TRPV6: variants seen among roughly 807,000 people sequenced by gnomAD.
The protein encoded by TRPV6 is transient receptor potential cation channel subfamily V member 6.
A neutral mutation model predicts 79.0 loss-of-function variants in TRPV6; 39 were observed. The observed-to-expected ratio is 0.49, with a 90% confidence interval of 0.38 to 0.64. The LOEUF is 0.64. Ranked by LOEUF, TRPV6 falls within the 30% of genes least tolerant of loss-of-function variation. The pLI, the probability that TRPV6 is intolerant of heterozygous loss-of-function variation, is 0.00. For missense variants in TRPV6, 813 were observed against 1,011.1 expected (o/e 0.80, Z 2.66); for synonymous variants, 373 against 391.9 (o/e 0.95, Z 0.57).
In TRPV6 at chr7:142,885,632, C is replaced by G; in HGVS notation, c.5G>C (p.Gly2Ala). ...CGGCCCACCGTCTCCCTGTAGAGGT[C>G]CCGTCTCCTGTCTCCTGCCTTCCTG... is the stretch of plus-strand genomic sequence containing the variant. Residue 2 changes from glycine to alanine, a missense_variant, in exon 1 of 15, where the codon GGA (glycine) becomes GCA (alanine). Around this residue, in one of 3 missense-constraint regions of TRPV6, gnomAD observed 555 missense variants for 631.0 expected, o/e 0.88. Transcript: ENST00000359396. 7.2e-7 allele frequency: 1 copy of G among 1,395,854 alleles called. No homozygotes were observed. The highest frequency in any genetic ancestry group is 9.6e-7 in the Non-Finnish European group (1 of 1,041,288). 86.5% of individuals were successfully genotyped at this position (1,395,854 alleles called of 1,614,324 possible). A position where few individuals can be genotyped will look rare whatever the true frequency, so the allele number is the denominator to read the frequency against.
chr7:142,872,424 G>T lies in TRPV6; in HGVS notation c.1963C>A (p.Arg655Ser). The T allele has an allele frequency of 6.2e-7, 1 of 1,614,222 alleles. No individual in the cohort carries two copies. The highest frequency in any genetic ancestry group is 8.5e-7 in the Non-Finnish European group (1 of 1,180,042). ...TACTCCCGTCCGCAGATCCCGGAGC[G>T]AGGCCACAGGCAGCGAGGCAGCTTC... Residue 655 changes from arginine (R) to serine (S), a missense_variant, in exon 14 of 15, where the codon CGC becomes AGC. Physicochemically the swap from Arg to Ser is moderately radical, Grantham distance 110 (BLOSUM62 -1). Transcript: ENST00000359396.
chr7:142,871,278 G>T lies in TRPV6; in HGVS notation c.*429C>A, dbSNP rs546241604. ...AGCCCCACTTCCCACCCCCAGAGCC[G>T]TTCCTGTCTCCCTCACTCACACGCT... On this transcript the variant is annotated 3_prime_UTR_variant, in exon 15 of 15. Transcript: ENST00000359396. 3.3e-5 allele frequency: 16 copies of T among 483,430 alleles called. No homozygotes were observed. Among genetic ancestry groups the T allele is most frequent in the Non-Finnish European group, 5.7e-5 (15 of 263,556 alleles). 29.9% of individuals were successfully genotyped at this position (483,430 alleles called of 1,614,324 possible). A position where few individuals can be genotyped will look rare whatever the true frequency, so the allele number is the denominator to read the frequency against.
In TRPV6 at chr7:142,873,345, C is replaced by G; in HGVS notation, c.1908+103G>C. Reference sequence around the variant, plus strand: ...ATTTTGCTAGCTTTGCCACAACTGTCCAAACATAAGTGGGGTGGAGATATC... The same window carrying G: ...ATTTTGCTAGCTTTGCCACAACTGTGCAAACATAAGTGGGGTGGAGATATC... On this transcript the variant is annotated intron_variant, in intron 13 of 14. Coordinates refer to ENST00000359396, the MANE Select transcript of TRPV6 (RefSeq NM_018646.6). This position sits in a 1 kb window ranked among gnomAD's most constrained non-coding sequence, Gnocchi z 4.8. The G allele has an allele frequency of 6.7e-7, 1 of 1,503,600 alleles. No individual in the cohort carries two copies. The highest frequency in any genetic ancestry group is 9.0e-7 in the Non-Finnish European group (1 of 1,108,136). The allele number at this position is 1,503,600 out of a possible 1,614,324, so 93.1% of individuals were successfully genotyped here. A position where few individuals can be genotyped will look rare whatever the true frequency, so the allele number is the denominator to read the frequency against.
intron 1 of TRPV6, chr7:142,879,090 G>A (rs202090666): frequency 6.6e-6 from 1 of 152,112 alleles, no homozygotes; most frequent in African/African-American, 2.4e-5. Flanking sequence ...TTCGGCTATT[G>A]GCCCCTAAGA....
rs1265581912 is a variant in TRPV6 at position 142,872,476 on chromosome 7, A to G, written c.1911T>C (p.Ile637=). The change falls in exon 14 of 15, where the codon ATT becomes ATC. Residue 637 remains isoleucine (I), a splice_region_variant and synonymous_variant. Transcript: ENST00000359396. ...GCTCCAGCATCACTGTGGTGGCCACAATCTGCGTATGGGAACAAAAGGAGA... is the reference window on the plus strand; with the variant it reads ...GCTCCAGCATCACTGTGGTGGCCACGATCTGCGTATGGGAACAAAAGGAGA... The G allele has an allele frequency of 2.4e-5, 38 of 1,612,632 alleles. No individual in the cohort carries two copies. The East Asian group carries it at 8.0e-4, about 34-fold the overall frequency.
At position 142,873,917 on chromosome 7, in the gene TRPV6, C is replaced by G; in HGVS notation, c.1639+159G>C. 9.3e-7 allele frequency: 1 copy of G among 1,075,134 alleles called. No homozygotes were observed. The highest frequency in any genetic ancestry group is 1.4e-6 in the Non-Finnish European group (1 of 737,104). 66.6% of individuals were successfully genotyped at this position (1,075,134 alleles called of 1,614,324 possible). On this transcript the variant is annotated intron_variant, in intron 12 of 14. Transcript: ENST00000359396. This position sits in a 1 kb window ranked among gnomAD's most constrained non-coding sequence, Gnocchi z 4.8. ...AAGAGCCACCTCTCCCTAACACTCC[C>G]GATTTTTCTCACCTCTGGAGGACGT...
intron 1 of TRPV6, chr7:142,882,490 T>C (rs890647526): frequency 1.1e-4 from 17 of 152,176 alleles, no homozygotes; most frequent in African/African-American, 4.1e-4. Context: ...TCCTGATTTT[T>C]CTTGGAGGTT....
intron 2 of TRPV6, 43 bp downstream of exon 2, chr7:142,877,886 G>A (rs1366403547): frequency 3.7e-6 from 6 of 1,611,108 alleles, no homozygotes; most frequent in East Asian, 2.2e-5. Context: ...GGCCCCATGT[G>A]TGGGGCTCAC....
Position 142,874,933 on chromosome 7 carries a change from G to A in TRPV6, c.1377C>T (p.Thr459=), listed in dbSNP as rs1216165818. The A allele has an allele frequency of 3.1e-6, 5 of 1,613,998 alleles. No individual in the cohort carries two copies. The highest frequency in any genetic ancestry group is 1.3e-5 in the African/African-American group (1 of 74,892). ...GGACATGGAATGGGCCCCCAAGGAT[G>A]GTCTGTCCAAAGAAGCGAGTGACCC... The change falls in exon 10 of 15, where the codon ACC becomes ACT. Residue 459 remains threonine, a synonymous_variant. Coordinates refer to ENST00000359396, the MANE Select transcript of TRPV6 (RefSeq NM_018646.6).
chr7:142,876,603 T>C lies in TRPV6; in HGVS notation c.707-20A>G, dbSNP rs750870046. On this transcript the variant is annotated intron_variant, in intron 5 of 14. Coordinates refer to ENST00000359396, the MANE Select transcript of TRPV6 (RefSeq NM_018646.6). The stretch of plus-strand genomic sequence containing the variant: ...TGTTTCCTGGGGAGGACACAGGGTA[T>C]CATGTGGCCACTGGCCTAAAGTCCC... 5.0e-6 allele frequency: 8 copies of C among 1,613,662 alleles called. No individual in the cohort carries two copies. Among genetic ancestry groups the C allele is most frequent in the Middle Eastern group, 1.7e-4 (1 of 6,042 alleles).
At chr7:142,875,406 C>G in intron 8 of TRPV6, 62 bp downstream of exon 8, 1 of 1,490,220 alleles carries the variant, frequency 6.7e-7, no homozygotes, top group Non-Finnish European at 9.0e-7. Context: ...GAAAGGGACA[C>G]CAGTCTCTGA....
intron 1 of TRPV6, chr7:142,878,652 G>A (rs1795131872): frequency 6.6e-6 from 1 of 152,606 alleles, no homozygotes; most frequent in Non-Finnish European, 1.5e-5. Flanking sequence ...GAACAAGCCT[G>A]GCTCCAGGCC....
Position 142,873,485 on chromosome 7 carries a change from C to G in TRPV6, c.1871G>C (p.Arg624Pro). The G allele has an allele frequency of 6.2e-7, 1 of 1,614,192 alleles. No homozygotes were observed. The highest frequency in any genetic ancestry group is 8.5e-7 in the Non-Finnish European group (1 of 1,180,040). Reference sequence around the variant, plus strand: ...CAGCTCATCCCGCTCATGGGCCACTCGCCAGTGAGTGTCGCCCATCATGGC... The same window carrying G: ...CAGCTCATCCCGCTCATGGGCCACTGGCCAGTGAGTGTCGCCCATCATGGC... Residue 624 changes from arginine (R) to proline (P), a missense_variant, in exon 13 of 15, where the codon CGA (arginine) becomes CCA (proline). By Grantham distance (103) the Arg-to-Pro change is moderately radical (BLOSUM62 -2). Transcript: ENST00000359396. This position sits in a 1 kb window ranked among gnomAD's most constrained non-coding sequence, Gnocchi z 4.8.
chr7:142,875,784 G>C lies in TRPV6; in HGVS notation c.1003C>G (p.Leu335Val). The C allele has an allele frequency of 1.9e-6, 3 of 1,608,694 alleles. No individual in the cohort carries two copies. The highest frequency in any genetic ancestry group is 2.5e-6 in the Non-Finnish European group (3 of 1,177,102). ...TCCCGCTTCTTGGTGGTGATGATAA[G>C]TTCCAGCAGGGACTGCTCATCCCCT... Residue 335 changes from leucine to valine, a missense_variant, in exon 7 of 15, where the codon CTT becomes GTT. This residue lies in a region of TRPV6 where 555 missense variants were observed against 631.0 expected (regional missense o/e 0.88). Coordinates refer to ENST00000359396, the MANE Select transcript of TRPV6 (RefSeq NM_018646.6).
At position 142,871,562 on chromosome 7, in the gene TRPV6, C is replaced by A; in HGVS notation, c.*145G>T. ...AATGCAGGCCTGGAGCAGTGATTCT[C>A]AACGTACATTCCTTGGCGTTCATGC... is the stretch of plus-strand genomic sequence containing the variant. On this transcript the variant is annotated 3_prime_UTR_variant, in exon 15 of 15. Transcript: ENST00000359396. 1 of 1,010,902 alleles carries A rather than the reference C, an allele frequency of 9.9e-7. No individual in the cohort carries two copies. Among genetic ancestry groups the A allele is most frequent in the East Asian group, 2.5e-5 (1 of 39,806 alleles). The allele number at this position is 1,010,902 out of a possible 1,614,324, so 62.6% of individuals were successfully genotyped here.
intron 14 of TRPV6, 124 bp from the exon 15 acceptor site, chr7:142,872,113 G>A (rs974713542): frequency 1.7e-4 from 226 of 1,355,332 alleles, no homozygotes; most frequent in Non-Finnish European, 2.1e-4. Context: ...CTTTTCTGCA[G>A]CCATGGTGGA....
In TRPV6 at chr7:142,872,420, G is replaced by T; in HGVS notation, c.1967C>A (p.Ser656Tyr). Residue 656 changes from serine to tyrosine, a missense_variant, in exon 14 of 15, where the codon TCC (serine) becomes TAC (tyrosine). This residue lies in a region of TRPV6 where 164 missense variants were observed against 186.1 expected (regional missense o/e 0.88). Coordinates refer to ENST00000359396, the MANE Select transcript of TRPV6 (RefSeq NM_018646.6). ...GCCATACTCCCGTCCGCAGATCCCGGAGCGAGGCCACAGGCAGCGAGGCAG... is the reference window on the plus strand; with the variant it reads ...GCCATACTCCCGTCCGCAGATCCCGTAGCGAGGCCACAGGCAGCGAGGCAG... The T allele has an allele frequency of 6.2e-7, 1 of 1,614,220 alleles. No individual in the cohort carries two copies. Among genetic ancestry groups the T allele is most frequent in the East Asian group, 2.2e-5 (1 of 44,884 alleles).
At chr7:142,883,543 G>A (rs4987613) in intron 1 of TRPV6, 30,499 of 152,176 alleles carry the variant, frequency 0.2, 6,368 homozygotes, top group African/African-American at 0.53. Flanking sequence ...CCGGGATGAC[G>A]GAGATAAGGC....
chr7:142,875,291 C>T, intron 8 of TRPV6, 127 bp from the exon 9 acceptor site: 1 of 1,308,248 alleles, frequency 7.6e-7, no homozygotes, highest in Non-Finnish European at 1.1e-6. Context: ...TCTTCTCAAA[C>T]TCTGCTCTCA....
Sources: gnomAD v4.1 joint callset for allele counts on GRCh38, gnomAD v4.1.1 for gene constraint, gnomAD v4.1.1 regional missense constraint, Gnocchi (gnomAD v3.1) non-coding constraint, MANE v1.5 for transcripts, NCBI Gene and HGNC (gene_info 2026-07-23, HGNC 2026-07-21) for gene names.